Variants in SMIM31 observed in about 807,000 individuals in gnomAD.
SMIM31 encodes the protein small integral membrane protein 31.
intron 1 of SMIM31, among the ~76,000 whole-genome samples, chr4:164,756,895 A>T (rs1415523964): frequency 1.3e-5 from 2 of 152,186 alleles, no homozygotes; most frequent in Non-Finnish European, 2.9e-5. Context: ...ATGGGAGATA[A>T]GTGTTTCTCT....
chr4:164,769,583 C>T (rs1409157569), intron 1 of SMIM31, among the ~76,000 whole-genome samples: 3 of 99,572 alleles, frequency 3.0e-5, no homozygotes, highest in Non-Finnish European at 3.7e-5. Flanking sequence ...CATCACACAC[C>T]GGGGCCTGTT....
chr4:164,801,508 C>T lies in SMIM31; in HGVS notation c.*314C>T, dbSNP rs1388855117. The T allele has an allele frequency of 5.0e-6, 1 of 201,244 alleles. No homozygotes were observed. Among genetic ancestry groups the T allele is most frequent in the African/African-American group, 2.3e-5 (1 of 43,620 alleles). 12.5% of individuals were successfully genotyped at this position (201,244 alleles called of 1,614,324 possible). A position where few individuals can be genotyped will look rare whatever the true frequency, so the allele number is the denominator to read the frequency against. On this transcript the variant is annotated 3_prime_UTR_variant, in exon 3 of 3. Coordinates refer to ENST00000507311, the MANE Select transcript of SMIM31 (RefSeq NM_001352885.1). ...AGAAAGAAGAAAACTACATGTGTTA[C>T]AATTTGGTAAGATAAACAAACAAAC...
At chr4:164,789,074 GA>G (rs112197275) in intron 2 of SMIM31, among the ~76,000 whole-genome samples, 13,681 of 147,348 alleles carry the variant, frequency 0.093, 699 homozygotes, top group African/African-American at 0.15. Context: ...TGTGATCTGG[GA>G]AAAAAAAAAT....
intron 2 of SMIM31, among the ~76,000 whole-genome samples, chr4:164,775,796 G>T (rs1732873807): frequency 1.3e-5 from 2 of 152,168 alleles, no homozygotes. Context: ...AGGGGCTCTA[G>T]CTCAGGGATG....
At chr4:164,796,181 G>T (rs1355267608) in intron 2 of SMIM31, among the ~76,000 whole-genome samples, 1 of 152,180 alleles carries the variant, frequency 6.6e-6, no homozygotes, top group Non-Finnish European at 1.5e-5. Context: ...GCCGGGTGGT[G>T]TTCAAACCAC....
chr4:164,788,896 T>C (rs1340414713), intron 2 of SMIM31, among the ~76,000 whole-genome samples: 1 of 152,196 alleles, frequency 6.6e-6, no homozygotes, highest in Non-Finnish European at 1.5e-5. Context: ...ATCTTTGGTA[T>C]TCTATATGCT....
chr4:164,761,975 G>A (rs1732656432), intron 1 of SMIM31, among the ~76,000 whole-genome samples: 1 of 151,516 alleles, frequency 6.6e-6, no homozygotes, highest in African/African-American at 2.4e-5. Context: ...TCAGGTCTCT[G>A]ATGCTTTGCG....
chr4:164,799,238 A>G (rs1733251202), intron 2 of SMIM31, among the ~76,000 whole-genome samples: 1 of 151,830 alleles, frequency 6.6e-6, no homozygotes, highest in South Asian at 2.1e-4. Context: ...TACAAAAACT[A>G]GCTGGGTATG....
At chr4:164,772,477 G>A (rs1222568198) in intron 2 of SMIM31, among the ~76,000 whole-genome samples, 2 of 152,186 alleles carry the variant, frequency 1.3e-5, no homozygotes, top group Non-Finnish European at 2.9e-5. Flanking sequence ...AAGCACTTTA[G>A]AGGCATTATT....
At chr4:164,796,370 A>C (rs1317563699) in intron 2 of SMIM31, among the ~76,000 whole-genome samples, 1 of 152,136 alleles carries the variant, frequency 6.6e-6, no homozygotes, top group Non-Finnish European at 1.5e-5. Context: ...TACCTCCCCT[A>C]TCAGTCCTTG....
At chr4:164,773,453 G>GCAGAGAAGTTCAACATTCGGGTA (rs1732839277) in intron 2 of SMIM31, among the ~76,000 whole-genome samples, 2 of 152,154 alleles carry the variant, frequency 1.3e-5, no homozygotes, top group African/African-American at 4.8e-5. Context: ...ACTTACAATC[G>GCAGAGAAGTTCAACATTCGGGTA]TGGTGGAAGG....
At position 164,800,270 on chromosome 4, in the gene SMIM31, T is replaced by C. The variant is rs190300015; in HGVS notation, c.113-821T>C. ...CTTTGTCGAGGCTGGAGTACAGTGG[T>C]GCTATCTCAGCTCTCTGCAATCTCC... On this transcript the variant is annotated intron_variant, in intron 2 of 2. Transcript: ENST00000507311. Among the ~76,000 whole-genome samples the C allele has an allele frequency of 1.6e-3, 244 of 152,042 alleles. 2 individuals are homozygous for C. Among genetic ancestry groups the C allele is most frequent in the Admixed American group, 2.3e-3 (35 of 15,262 alleles).
intron 2 of SMIM31, among the ~76,000 whole-genome samples, chr4:164,799,011 C>A (rs1705110712): frequency 6.6e-6 from 1 of 152,146 alleles, no homozygotes; most frequent in South Asian, 2.1e-4. Flanking sequence ...TCCCTGAGGC[C>A]TCCCTGGAAG....
At chr4:164,795,068 A>G (rs1380772014) in intron 2 of SMIM31, among the ~76,000 whole-genome samples, 2 of 152,208 alleles carry the variant, frequency 1.3e-5, no homozygotes, top group East Asian at 3.9e-4. Flanking sequence ...ATAAATCTCT[A>G]TTTTTACACT....
intron 1 of SMIM31, among the ~76,000 whole-genome samples, chr4:164,764,514 C>T (rs1732694250): frequency 1.3e-5 from 2 of 151,144 alleles, no homozygotes; most frequent in South Asian, 2.1e-4. Flanking sequence ...TTGCAGTGAG[C>T]CAAGATCGCG....
In SMIM31 at chr4:164,802,907, G is replaced by C. The variant is rs1051398836; in HGVS notation, c.*1713G>C. 6.6e-5 allele frequency: 10 copies of C among 152,188 alleles called. No homozygotes were observed. The highest frequency in any genetic ancestry group is 2.4e-4 in the African/African-American group (10 of 41,440). The allele number at this position is 152,188 out of a possible 1,614,324, so 9.4% of individuals were successfully genotyped here. A position where few individuals can be genotyped will look rare whatever the true frequency, so the allele number is the denominator to read the frequency against. ...GGGCTTTGGAGATGAGCAGATCTGG[G>C]TTTGAGTCTGCTCCAACCTTTCCTT... On this transcript the variant is annotated 3_prime_UTR_variant, in exon 3 of 3. Coordinates refer to ENST00000507311, the MANE Select transcript of SMIM31 (RefSeq NM_001352885.1).
intron 2 of SMIM31, among the ~76,000 whole-genome samples, chr4:164,788,501 T>C (rs1733058205): frequency 7.6e-6 from 1 of 130,954 alleles, no homozygotes; most frequent in Non-Finnish European, 1.6e-5. Context: ...TTTTTTTTTT[T>C]TTTTTGAGAC....
At chr4:164,783,378 G>A (rs1385803453) in intron 2 of SMIM31, among the ~76,000 whole-genome samples, 1 of 151,444 alleles carries the variant, frequency 6.6e-6, no homozygotes, top group Non-Finnish European at 1.5e-5. Context: ...ACAAAAATTT[G>A]CCAGGCATGG....
intron 2 of SMIM31, among the ~76,000 whole-genome samples, chr4:164,779,428 C>T (rs1331419857): frequency 2.0e-5 from 3 of 152,124 alleles, no homozygotes; most frequent in Non-Finnish European, 4.4e-5. Flanking sequence ...GAGGAAAGCC[C>T]CTATTAGCAA....
Sources: gnomAD v4.1 joint callset for allele counts (sites outside exome capture counted in the v4.1 genomes callset) on GRCh38, gnomAD v4.1.1 for gene constraint, MANE v1.5 for transcripts, NCBI Gene and HGNC (gene_info 2026-07-23, HGNC 2026-07-21) for gene names.